MSRA: variants seen among roughly 807,000 people sequenced by gnomAD.
The protein encoded by MSRA is methionine sulfoxide reductase A.
A neutral mutation model predicts 31.3 loss-of-function variants in MSRA; 54 were observed. The ratio of observed to expected loss-of-function variants is 1.73; its 90% CI spans 1.39 to 2.17. The LOEUF is 2.17. MSRA is among the 30% of genes most tolerant of loss of function. MSRA has a pLI of 0.00. For synonymous variants in MSRA, 169 were observed against 116.5 expected, an observed-to-expected ratio of 1.45 and a Z score of -2.90; for missense variants, 507 against 300.9, an observed-to-expected ratio of 1.69 and a Z score of -5.07.
chr8:10,369,768 G>C (rs966109262), intron 5 of MSRA, among the ~76,000 whole-genome samples: 3 of 152,156 alleles, frequency 2.0e-5, no homozygotes, highest in Admixed American at 6.5e-5. Context: ...ATTAGGGCCA[G>C]TTAATCCAAA....
At chr8:10,310,126 T>C (rs182948129) in intron 4 of MSRA, among the ~76,000 whole-genome samples, 6 of 152,354 alleles carry the variant, frequency 3.9e-5, no homozygotes, top group Admixed American at 1.3e-4. Flanking sequence ...TGAAGGACTA[T>C]CCTTTTTTAG....
chr8:10,112,104 G>T (rs1800334526), intron 1 of MSRA, among the ~76,000 whole-genome samples: 1 of 151,472 alleles, frequency 6.6e-6, no homozygotes, highest in South Asian at 2.1e-4. Context: ...TAATTTTGTA[G>T]TCACCTCTGA....
In MSRA at chr8:10,112,329, TTAAAAA is replaced by T. The variant is rs529367969; in HGVS notation, c.142+57676_142+57681del. On this transcript the variant is annotated intron_variant, in intron 1 of 5. Transcript: ENST00000317173. Reference sequence around the variant, plus strand: ...GGTTTGATTCAACACCTACTTTTTCTTAAAAATAAAGAAATAAAAGCTGTTGGTAAA... The same window carrying T: ...GGTTTGATTCAACACCTACTTTTTCTTAAAGAAATAAAAGCTGTTGGTAAA... Among the ~76,000 whole-genome samples the T allele has an allele frequency of 1.3e-4, 20 of 152,306 alleles. No homozygotes were observed. The South Asian group carries it at 2.9e-3, about 22-fold the overall frequency.
chr8:10,058,573 C>G (rs979667641), intron 1 of MSRA, among the ~76,000 whole-genome samples: 4 of 143,806 alleles, frequency 2.8e-5, no homozygotes, highest in East Asian at 4.1e-4. Context: ...CCAAGATTAT[C>G]TACCAAATAT....
chr8:10,374,045 C>T (rs1366754438), intron 5 of MSRA, among the ~76,000 whole-genome samples: 4 of 152,210 alleles, frequency 2.6e-5, no homozygotes, highest in Admixed American at 2.6e-4. Flanking sequence ...TCCATGCAAA[C>T]TCAGGAAACA....
At chr8:10,167,535 G>A (rs1431063079) in intron 1 of MSRA, among the ~76,000 whole-genome samples, 5 of 152,176 alleles carry the variant, frequency 3.3e-5, no homozygotes, top group Non-Finnish European at 5.9e-5. Context: ...ATGCCTGTGT[G>A]CGCCGCATGA....
chr8:10,339,734 G>C lies in MSRA; in HGVS notation c.543+19745G>C, dbSNP rs1242345024. Among the ~76,000 whole-genome samples the C allele has an allele frequency of 2.6e-5, 4 of 151,642 alleles. No individual in the cohort carries two copies. The East Asian group carries it at 5.8e-4, about 22-fold the overall frequency. On this transcript the variant is annotated intron_variant, in intron 5 of 5. Transcript: ENST00000317173. ...TTTTTTGTATTTTTAGTAGAGATGG[G>C]GTTTCACCGTGTTAGCCAGGCTGGT...
intron 2 of MSRA, among the ~76,000 whole-genome samples, chr8:10,226,618 C>T (rs1811024320): frequency 6.6e-6 from 1 of 152,198 alleles, no homozygotes; most frequent in African/African-American, 2.4e-5. Context: ...TGCCCATGAA[C>T]AGACACATTT....
chr8:10,397,736 G>A (rs1215000617), intron 5 of MSRA, among the ~76,000 whole-genome samples: 1 of 152,198 alleles, frequency 6.6e-6, no homozygotes, highest in Non-Finnish European at 1.5e-5. Context: ...AATATTTTGC[G>A]TGGAACATGA....
chr8:10,419,000 A>G (rs6991690), intron 5 of MSRA, among the ~76,000 whole-genome samples: 3 of 152,038 alleles, frequency 2.0e-5, no homozygotes, highest in African/African-American at 7.3e-5. Flanking sequence ...GGTCAGTCCT[A>G]CTAAGGCGGG....
At chr8:10,399,502 C>T (rs1394477005) in intron 5 of MSRA, among the ~76,000 whole-genome samples, 1 of 152,178 alleles carries the variant, frequency 6.6e-6, no homozygotes, top group East Asian at 1.9e-4. Context: ...TGTTCCTGCT[C>T]TGGCCGTGCA....
chr8:10,151,693 G>A (rs1277320993), intron 1 of MSRA, among the ~76,000 whole-genome samples: 1 of 152,126 alleles, frequency 6.6e-6, no homozygotes, highest in South Asian at 2.1e-4. Context: ...AGGAGAAAGG[G>A]CGTTGAGTGC....
intron 1 of MSRA, among the ~76,000 whole-genome samples, chr8:10,183,146 C>T (rs113606775): frequency 1.3e-5 from 2 of 152,132 alleles, no homozygotes; most frequent in East Asian, 1.9e-4. Context: ...TGTGTTTGCT[C>T]TTAGCTCTTG....
intron 1 of MSRA, among the ~76,000 whole-genome samples, chr8:10,074,512 A>G (rs561374173): frequency 1.3e-4 from 20 of 152,218 alleles, no homozygotes; most frequent in Non-Finnish European, 2.2e-4. Context: ...ACTGAAAGGT[A>G]AACCACTGTG....
intron 1 of MSRA, among the ~76,000 whole-genome samples, chr8:10,134,478 C>T (rs992112730): frequency 1.3e-5 from 2 of 152,236 alleles, no homozygotes; most frequent in Non-Finnish European, 2.9e-5. Context: ...CTCCCAAACA[C>T]GGTGACCGTG....
chr8:10,344,172 C>T (rs758566264), intron 5 of MSRA, among the ~76,000 whole-genome samples: 1 of 152,170 alleles, frequency 6.6e-6, no homozygotes, highest in Non-Finnish European at 1.5e-5. Flanking sequence ...ATTCTCATAT[C>T]GTCCTTTGTA....
chr8:10,237,298 T>C (rs1468596822), intron 2 of MSRA, among the ~76,000 whole-genome samples: 1 of 152,228 alleles, frequency 6.6e-6, no homozygotes, highest in Admixed American at 6.5e-5. Flanking sequence ...TTGGGTTAGG[T>C]TACATCTGGC....
intron 5 of MSRA, among the ~76,000 whole-genome samples, chr8:10,328,447 T>C (rs1032304958): frequency 8.5e-5 from 13 of 152,048 alleles, no homozygotes; most frequent in African/African-American, 2.9e-4. Flanking sequence ...TTCACTCTCA[T>C]GATTTAAGCC....
At chr8:10,272,288 T>G (rs1238382700) in intron 3 of MSRA, among the ~76,000 whole-genome samples, 2 of 152,172 alleles carry the variant, frequency 1.3e-5, no homozygotes, top group Non-Finnish European at 2.9e-5. Context: ...CTCATATGAT[T>G]ATGGAGGCTG....
Sources: allele counts gnomAD v4.1 joint callset (sites outside exome capture counted in the v4.1 genomes callset), GRCh38; gene constraint gnomAD v4.1.1; transcripts MANE v1.5; gene names NCBI Gene and HGNC (gene_info 2026-07-23, HGNC 2026-07-21).